MLLT3: variants seen among roughly 807,000 people sequenced by gnomAD.
MLLT3 encodes protein AF-9.
A neutral mutation model predicts 53.2 loss-of-function variants in MLLT3; 4 were observed. That is an observed-to-expected ratio of 0.08 (90% CI 0.04 to 0.17). The LOEUF (loss-of-function observed/expected upper bound fraction) is 0.17, where lower values mean the gene tolerates loss of function less well. Among genes scored for constraint, MLLT3 ranks in the 10% least tolerant of loss-of-function variants. The pLI, the probability that MLLT3 is intolerant of heterozygous loss-of-function variation, is 1.00. For missense variants in MLLT3, 569 were observed against 684.0 expected (o/e 0.83, Z 1.87); for synonymous variants, 283 against 230.6 (o/e 1.23, Z -2.06).
rs554649169 is a variant in MLLT3 at position 20,420,055 on chromosome 9, T to C, written c.421-5630A>G. Among the ~76,000 whole-genome samples, 12 of 152,216 alleles carry C rather than the reference T, an allele frequency of 7.9e-5. No individual in the cohort carries two copies. In the South Asian group the frequency reaches 1.7e-3, roughly 21 times the overall value. On this transcript the variant is annotated intron_variant, in intron 4 of 10. Transcript: ENST00000380338. ...GAAAGAAAGTGCTGGTATCTTTTTT[T>C]ATGTTAAAGTGGAATAAAAATTGGA...
chr9:20,459,669 T>C (rs1379793787), intron 2 of MLLT3, among the ~76,000 whole-genome samples: 4 of 152,224 alleles, frequency 2.6e-5, no homozygotes, highest in Non-Finnish European at 4.4e-5. Context: ...ATTGCTCCTA[T>C]TAACAGAAAC....
At chr9:20,369,449 A>T (rs1821538702) in intron 5 of MLLT3, among the ~76,000 whole-genome samples, 1 of 152,214 alleles carries the variant, frequency 6.6e-6, no homozygotes, top group Admixed American at 6.5e-5. Flanking sequence ...AAATTGACTT[A>T]TCCAGAGGCA....
chr9:20,549,468 G>C (rs951991504), intron 2 of MLLT3, among the ~76,000 whole-genome samples: 1 of 120,558 alleles, frequency 8.3e-6, no homozygotes, highest in African/African-American at 2.7e-5. Flanking sequence ...CATTTACTCC[G>C]TGCCAGGAAC....
At chr9:20,504,156 A>G (rs994626937) in intron 2 of MLLT3, among the ~76,000 whole-genome samples, 9 of 152,278 alleles carry the variant, frequency 5.9e-5, no homozygotes, top group African/African-American at 2.2e-4. Context: ...GTTCCTCAAA[A>G]ATTAAATTAT....
At chr9:20,492,558 C>G (rs1432920791) in intron 2 of MLLT3, among the ~76,000 whole-genome samples, 1 of 151,674 alleles carries the variant, frequency 6.6e-6, no homozygotes, top group East Asian at 1.9e-4. Context: ...TCATTACTTC[C>G]CACACACATT....
At chr9:20,581,737 G>C (rs1051164742) in intron 2 of MLLT3, among the ~76,000 whole-genome samples, 1 of 152,090 alleles carries the variant, frequency 6.6e-6, no homozygotes, top group African/African-American at 2.4e-5. Flanking sequence ...TCAGGTACAA[G>C]GAAAACATTT....
At chr9:20,492,372 G>C (rs940653562) in intron 2 of MLLT3, among the ~76,000 whole-genome samples, 6 of 151,868 alleles carry the variant, frequency 4.0e-5, no homozygotes, top group Non-Finnish European at 7.4e-5. Flanking sequence ...TCATATCCTA[G>C]TTCTTAGGTT....
chr9:20,355,095 T>TAAAAAAAAAA (rs531598773), intron 8 of MLLT3, among the ~76,000 whole-genome samples: 18 of 64,146 alleles, frequency 2.8e-4, no homozygotes, highest in African/African-American at 8.2e-4. Context: ...AAAGTAGAAC[T>TAAAAAAAAAA]AAAAAAAAAA....
intron 2 of MLLT3, among the ~76,000 whole-genome samples, chr9:20,608,604 G>A (rs1374792745): frequency 6.6e-6 from 1 of 151,766 alleles, no homozygotes; most frequent in Non-Finnish European, 1.5e-5. Context: ...GAAACATTGT[G>A]CAAATACTCA....
intron 8 of MLLT3, among the ~76,000 whole-genome samples, chr9:20,358,507 C>T (rs781270146): frequency 6.6e-6 from 1 of 152,134 alleles, no homozygotes; most frequent in African/African-American, 2.4e-5. Context: ...TCCAGATAGA[C>T]GATACTATTC....
At chr9:20,432,716 C>A (rs914368786) in intron 4 of MLLT3, among the ~76,000 whole-genome samples, 2 of 152,080 alleles carry the variant, frequency 1.3e-5, no homozygotes, top group African/African-American at 4.8e-5. Context: ...AAATCAAAAT[C>A]TTTTTGTTCA....
At chr9:20,506,454 C>T (rs906155415) in intron 2 of MLLT3, among the ~76,000 whole-genome samples, 21 of 152,036 alleles carry the variant, frequency 1.4e-4, no homozygotes, top group African/African-American at 4.3e-4. Context: ...GAGCCATAAC[C>T]GTCAAGTAAA....
chr9:20,548,747 T>C (rs1482661273), intron 2 of MLLT3, among the ~76,000 whole-genome samples: 2 of 152,116 alleles, frequency 1.3e-5, no homozygotes, highest in African/African-American at 4.8e-5. Context: ...CTGAATGCCT[T>C]TGAAAGACTG....
chr9:20,547,981 T>C (rs7860478), intron 2 of MLLT3, among the ~76,000 whole-genome samples: 106,095 of 152,100 alleles, frequency 0.7, 37,270 homozygotes, highest in East Asian at 0.85. Context: ...AGTTGGTACA[T>C]ATTTTACACC....
chr9:20,542,479 T>C (rs1300650653), intron 2 of MLLT3, among the ~76,000 whole-genome samples: 1 of 152,130 alleles, frequency 6.6e-6, no homozygotes, highest in Non-Finnish European at 1.5e-5. Flanking sequence ...CTCGATCTCC[T>C]GACCTCATGA....
At position 20,479,135 on chromosome 9, in the gene MLLT3, C is replaced by G. The variant is rs375313483; in HGVS notation, c.194-22349G>C. Reference sequence around the variant, plus strand: ...AGAGGAGTGGGTAATTTGGAAAGAACGATTTAAAATGGTTTCCTTTACAAG... The same window carrying G: ...AGAGGAGTGGGTAATTTGGAAAGAAGGATTTAAAATGGTTTCCTTTACAAG... On this transcript the variant is annotated intron_variant, in intron 2 of 10. Transcript: ENST00000380338. Among the ~76,000 whole-genome samples the G allele has an allele frequency of 2.0e-4, 30 of 152,174 alleles. No homozygotes were observed. In the East Asian group the frequency reaches 2.9e-3, roughly 15 times the overall value.
chr9:20,458,354 C>A (rs2118864798), intron 2 of MLLT3, among the ~76,000 whole-genome samples: 1 of 152,264 alleles, frequency 6.6e-6, no homozygotes, highest in South Asian at 2.1e-4. Context: ...GACAGCAGCC[C>A]AGAATACTTG....
At chr9:20,619,036 G>C (rs981784354) in intron 2 of MLLT3, among the ~76,000 whole-genome samples, 2 of 152,120 alleles carry the variant, frequency 1.3e-5, no homozygotes, top group African/African-American at 4.8e-5. Flanking sequence ...GGTTTCTTTT[G>C]TTTAAACTCC....
At chr9:20,463,609 A>G (rs568408407) in intron 2 of MLLT3, among the ~76,000 whole-genome samples, 16 of 152,298 alleles carry the variant, frequency 1.1e-4, no homozygotes, top group South Asian at 4.1e-4. Flanking sequence ...AGTTCCTTCA[A>G]TGTAACTCAG....
Sources: allele counts gnomAD v4.1 joint callset (sites outside exome capture counted in the v4.1 genomes callset), GRCh38; gene constraint gnomAD v4.1.1; transcripts MANE v1.5; gene names NCBI Gene and HGNC (gene_info 2026-07-23, HGNC 2026-07-21).